The following SUMO2 variants were observed in gnomAD, a reference collection of about 807,000 sequenced individuals.
SUMO2 encodes the protein small ubiquitin-related modifier 2.
Under a neutral mutation model 16.0 loss-of-function variants are expected in SUMO2, and 1 was observed. The ratio of observed to expected loss-of-function variants is 0.06; its 90% confidence interval spans 0.02 to 0.30. The LOEUF is 0.30. SUMO2 is among the 10% of genes least tolerant of loss of function. The probability of loss-of-function intolerance (pLI) is 1.00; values close to 1 mark genes in which losing one functional copy is unlikely to be tolerated. For missense variants in SUMO2, 16 were observed against 117.5 expected (o/e 0.14, Z 3.99); for synonymous variants, 36 against 40.6 (o/e 0.89, Z 0.43).
At chr17:75,172,211 C>T (rs1467131980) in intron 3 of SUMO2, among the ~76,000 whole-genome samples, 2 of 151,526 alleles carry the variant, frequency 1.3e-5, no homozygotes, top group Non-Finnish European at 1.5e-5. Flanking sequence ...TTAGTAGAGA[C>T]GGGGTAGTTT....
intron 1 of SUMO2, among the ~76,000 whole-genome samples, chr17:75,182,198 C>T (rs530396417): frequency 6.6e-6 from 1 of 152,320 alleles, no homozygotes; most frequent in Non-Finnish European, 1.5e-5. Flanking sequence ...TGCCCCTCCC[C>T]CTTCGGGCCC....
chr17:75,166,412 T>C lies in SUMO2; in HGVS notation c.*1927A>G, dbSNP rs1490464093. On this transcript the variant is annotated 3_prime_UTR_variant, in exon 4 of 4. Coordinates refer to ENST00000420826, the MANE Select transcript of SUMO2 (RefSeq NM_006937.4). ...ATCAGTTGAACCCGGGAGGCGGAGGTTGCAGTGAGCTGAGATCATGTCATT... is the reference window on the plus strand; with the variant it reads ...ATCAGTTGAACCCGGGAGGCGGAGGCTGCAGTGAGCTGAGATCATGTCATT... 6.6e-6 allele frequency: 1 copy of C among 151,886 alleles called. No homozygotes were observed. Among genetic ancestry groups the C allele is most frequent in the Non-Finnish European group, 1.5e-5 (1 of 68,034 alleles). The allele number at this position is 151,886 out of a possible 1,614,324, so 9.4% of individuals were successfully genotyped here. A position where few individuals can be genotyped will look rare whatever the true frequency, so the allele number is the denominator to read the frequency against.
chr17:75,178,423 A>G (rs1041418856), intron 2 of SUMO2, among the ~76,000 whole-genome samples: 3 of 150,050 alleles, frequency 2.0e-5, no homozygotes, highest in Admixed American at 6.7e-5. Flanking sequence ...CTGAGGCAGG[A>G]GAATCGCTTG....
chr17:75,175,280 G>C (rs775607606), intron 2 of SUMO2, among the ~76,000 whole-genome samples: 2 of 151,570 alleles, frequency 1.3e-5, no homozygotes, highest in Non-Finnish European at 2.9e-5. Context: ...ATGGTGCCCA[G>C]CCTCTCATTT....
intron 3 of SUMO2, among the ~76,000 whole-genome samples, chr17:75,171,221 C>A (rs2074735967): frequency 6.6e-6 from 1 of 151,614 alleles, no homozygotes; most frequent in South Asian, 2.1e-4. Flanking sequence ...CCTCTGCCTC[C>A]CGGGTCAAGC....
Position 75,174,791 on chromosome 17 carries a change from A to G in SUMO2, c.186T>C (p.Phe62=), listed in dbSNP as rs2145220967. 1 of 1,614,044 alleles carries G rather than the reference A, an allele frequency of 6.2e-7. No homozygotes were observed. Among genetic ancestry groups the G allele is most frequent in the Non-Finnish European group, 8.5e-7 (1 of 1,179,976 alleles). Residue 62 remains phenylalanine (F), a synonymous_variant, in exon 3 of 4, where the codon TTT becomes TTC. Transcript: ENST00000420826. ...CTGTTTCATTGATTGGTTGCCCGTC[A>G]AATCGGAATCTGATCTGCCTCATTG... The part of the protein sequence containing the change: ...GLSMRQIRFR[F]DGQPINETDT...
intron 1 of SUMO2, among the ~76,000 whole-genome samples, chr17:75,182,186 G>A (rs1460227710): frequency 2.0e-5 from 3 of 151,962 alleles, no homozygotes; most frequent in Admixed American, 6.6e-5. Flanking sequence ...GGGAAAAGCC[G>A]CTGCCCCTCC....
At chr17:75,179,500 C>T (rs968712157) in intron 2 of SUMO2, among the ~76,000 whole-genome samples, 19 of 145,342 alleles carry the variant, frequency 1.3e-4, no homozygotes, top group African/African-American at 4.9e-4. Flanking sequence ...TGCACTCCAT[C>T]CTGGACAACA....
chr17:75,179,641 T>C (rs1887501188), intron 2 of SUMO2, among the ~76,000 whole-genome samples: 1 of 151,454 alleles, frequency 6.6e-6, no homozygotes, highest in Non-Finnish European at 1.5e-5. Flanking sequence ...GGCATAAAAA[T>C]ACTTCAAACA....
intron 2 of SUMO2, among the ~76,000 whole-genome samples, chr17:75,180,439 G>A (rs541056105): frequency 4.0e-4 from 55 of 135,952 alleles, no homozygotes; most frequent in Middle Eastern, 4.6e-3. Context: ...TTGGTTTGGC[G>A]CGGTGGCTCA....
At chr17:75,174,688 C>A (rs1233631002) in intron 3 of SUMO2, 64 bp downstream of exon 3, 1 of 1,488,342 alleles carries the variant, frequency 6.7e-7, no homozygotes, top group East Asian at 2.3e-5. Context: ...CGTTCAAATT[C>A]ATAAACACAG....
chr17:75,176,543 G>A (rs2074783647), intron 2 of SUMO2, among the ~76,000 whole-genome samples: 4 of 152,018 alleles, frequency 2.6e-5, no homozygotes, highest in Admixed American at 1.3e-4. Context: ...TTGAACCTGG[G>A]AGGCGGAGTT....
intron 1 of SUMO2, among the ~76,000 whole-genome samples, chr17:75,181,574 C>T (rs1373180901): frequency 2.6e-5 from 4 of 152,062 alleles, no homozygotes; most frequent in Non-Finnish European, 4.4e-5. Context: ...ACTTTAAGTA[C>T]AACTGCAAGA....
intron 1 of SUMO2, chr17:75,182,606 G>T (rs538203894): frequency 8.9e-6 from 3 of 336,776 alleles, no homozygotes; most frequent in East Asian, 1.0e-4. Context: ...CGCCGGGGGC[G>T]GGAGAGAGCG....
chr17:75,182,112 T>C (rs1426438960), intron 1 of SUMO2, among the ~76,000 whole-genome samples: 1 of 152,148 alleles, frequency 6.6e-6, no homozygotes, highest in Admixed American at 6.6e-5. Flanking sequence ...TCTCTGCTCG[T>C]ACCTGTGCCT....
chr17:75,177,393 T>C (rs1598226358), intron 2 of SUMO2, among the ~76,000 whole-genome samples: 1 of 151,460 alleles, frequency 6.6e-6, no homozygotes, highest in South Asian at 2.1e-4. Flanking sequence ...AAAATTTGCA[T>C]GGTGGCCAGG....
chr17:75,166,716 G>A lies in SUMO2; in HGVS notation c.*1623C>T, dbSNP rs1277540158. ...GAGGATCTCTTAAGACCTGGAGGTG[G>A]AGGTTGCAGTGAGCCAAGATCACAC... On this transcript the variant is annotated 3_prime_UTR_variant, in exon 4 of 4. Transcript: ENST00000420826. The A allele has an allele frequency of 1.3e-5, 2 of 152,180 alleles. No homozygotes were observed. The highest frequency in any genetic ancestry group is 1.9e-4 in the East Asian group (1 of 5,152). The allele number at this position is 152,180 out of a possible 1,614,324, so 9.4% of individuals were successfully genotyped here. A position where few individuals can be genotyped will look rare whatever the true frequency, so the allele number is the denominator to read the frequency against.
rs1266933959 is a variant in SUMO2 at position 75,182,936 on chromosome 17, C to T, written c.-102G>A. 2.8e-5 allele frequency: 30 copies of T among 1,066,278 alleles called. No homozygotes were observed. The highest frequency in any genetic ancestry group is 3.3e-5 in the African/African-American group (2 of 59,986). The allele number at this position is 1,066,278 out of a possible 1,614,324, so 66.1% of individuals were successfully genotyped here. On this transcript the variant is annotated 5_prime_UTR_variant, in exon 1 of 4. Transcript: ENST00000420826. ...CACCAGGAGCGGCAGAAGAAGGAGG[C>T]GGCAGCGGTGGACGAGGGGAGAGGG... is the stretch of plus-strand genomic sequence containing the variant.
chr17:75,168,267 A>C lies in SUMO2; in HGVS notation c.*72T>G. ...TCAGGATGTGGTGGAACCAAATTGC[A>C]GTTTTCTAATTGAGAATGTAATCTT... is the stretch of plus-strand genomic sequence containing the variant. On this transcript the variant is annotated 3_prime_UTR_variant, in exon 4 of 4. Transcript: ENST00000420826. 1 of 1,165,758 alleles carries C rather than the reference A, an allele frequency of 8.6e-7. No homozygotes were observed. The highest frequency in any genetic ancestry group is 2.6e-5 in the East Asian group (1 of 38,232). The allele number at this position is 1,165,758 out of a possible 1,614,324, so 72.2% of individuals were successfully genotyped here.
Sources: gnomAD v4.1 joint callset for allele counts (sites outside exome capture counted in the v4.1 genomes callset) on GRCh38, gnomAD v4.1.1 for gene constraint, MANE v1.5 for transcripts, NCBI Gene and HGNC (gene_info 2026-07-23, HGNC 2026-07-21) for gene names.